The following REEP1 variants were observed in gnomAD, a reference collection of about 807,000 sequenced individuals.
The protein encoded by REEP1 is receptor expression-enhancing protein 1.
A neutral mutation model predicts 40.3 loss-of-function variants in REEP1; 22 were observed. The observed-to-expected ratio is 0.55, with a 90% confidence interval of 0.39 to 0.78. REEP1 has a LOEUF of 0.78. Among genes scored for constraint, REEP1 ranks in the 30% least tolerant of loss-of-function variants. The pLI is 0.00. For missense variants in REEP1, 280 were observed against 361.1 expected (o/e 0.78, Z 1.82); for synonymous variants, 116 against 139.2 (o/e 0.83, Z 1.17).
chr2:86,284,262 C>T (rs565062910), intron 1 of REEP1, among the ~76,000 whole-genome samples: 7 of 152,288 alleles, frequency 4.6e-5, no homozygotes, highest in East Asian at 1.9e-4. Context: ...GGCTCCTCTC[C>T]GTTTTTAGCT....
At chr2:86,267,067 G>A (rs1324547022) in intron 2 of REEP1, among the ~76,000 whole-genome samples, 3 of 132,686 alleles carry the variant, frequency 2.3e-5, no homozygotes, top group Non-Finnish European at 4.8e-5. Flanking sequence ...AGGCCAAGAT[G>A]AGAGAATTGC....
intron 1 of REEP1, among the ~76,000 whole-genome samples, chr2:86,319,707 C>T (rs527523093): frequency 3.4e-5 from 5 of 148,874 alleles, no homozygotes; most frequent in East Asian, 2.0e-4. Context: ...AAGAAAAGAA[C>T]GAAAAAAAAA....
chr2:86,264,789 T>C (rs1261815180), intron 2 of REEP1, among the ~76,000 whole-genome samples: 2 of 152,152 alleles, frequency 1.3e-5, no homozygotes, highest in Non-Finnish European at 2.9e-5. Flanking sequence ...AAACAACTGT[T>C]TGAAGGCCCT....
At chr2:86,337,776 G>A, upstream of REEP1, 5 of 808,646 alleles carry the variant, frequency 6.2e-6, no homozygotes, top group Non-Finnish European at 8.1e-6. This position sits in a 1 kb window ranked among gnomAD's most constrained non-coding sequence, Gnocchi z 5.8. Flanking sequence ...GGCCCGCCCC[G>A]TCCCGCTCGC....
chr2:86,299,456 T>C (rs1291392938), intron 1 of REEP1, among the ~76,000 whole-genome samples: 8 of 152,192 alleles, frequency 5.3e-5, no homozygotes, highest in African/African-American at 9.7e-5. Flanking sequence ...GAACCACTGT[T>C]CTATGCCTAG....
intron 8 of REEP1, among the ~76,000 whole-genome samples, chr2:86,217,962 G>C (rs1674216171): frequency 6.6e-6 from 1 of 152,048 alleles, no homozygotes; most frequent in Non-Finnish European, 1.5e-5. Flanking sequence ...CACAGCACTT[G>C]AGGGGGTTCA....
At chr2:86,270,778 A>G (rs1574062667) in intron 2 of REEP1, among the ~76,000 whole-genome samples, 2 of 152,278 alleles carry the variant, frequency 1.3e-5, no homozygotes, top group South Asian at 4.1e-4. Flanking sequence ...GAGGCTCAAT[A>G]TGTGTTGGAC....
At chr2:86,231,006 G>A (rs376295176) in intron 6 of REEP1, among the ~76,000 whole-genome samples, 8 of 152,202 alleles carry the variant, frequency 5.3e-5, no homozygotes, top group Admixed American at 2.0e-4. Context: ...GGCAGTGTCC[G>A]GCAGATCAGA....
At chr2:86,235,314 T>C (rs1574009723) in intron 5 of REEP1, among the ~76,000 whole-genome samples, 1 of 152,302 alleles carries the variant, frequency 6.6e-6, no homozygotes, top group Middle Eastern at 3.4e-3. Context: ...AACAGCTGAG[T>C]GATCTTAACC....
rs141478770 is a variant in REEP1 at position 86,276,141 on chromosome 2, C to A, written c.105+6029G>T. Among the ~76,000 whole-genome samples the A allele has an allele frequency of 3.3e-5, 5 of 152,240 alleles. No individual in the cohort carries two copies. In the East Asian group the frequency reaches 9.7e-4, roughly 29 times the overall value. ...TGACAGAGGTAGCATACAGGCTCAG[C>A]AATGTGGAATCCCTCTCACCAAGGC... On this transcript the variant is annotated intron_variant, in intron 2 of 8. Coordinates refer to ENST00000538924, the MANE Select transcript of REEP1 (RefSeq NM_001371279.1).
chr2:86,244,932 G>T (rs568593249), intron 5 of REEP1, among the ~76,000 whole-genome samples: 1 of 152,338 alleles, frequency 6.6e-6, no homozygotes, highest in South Asian at 2.1e-4. Flanking sequence ...ATCACCTGAG[G>T]TCAGGAGTTC....
At position 86,238,495 on chromosome 2, in the gene REEP1, G is replaced by C. The variant is rs1043967985; in HGVS notation, c.418-5693C>G. On this transcript the variant is annotated intron_variant, in intron 5 of 8. Transcript: ENST00000538924. ...AGCCTTGGCATCTGCCACTCTACTT[G>C]ATACATATTTGGGGTTAAGGAGTTG... Among the ~76,000 whole-genome samples, 3 of 152,192 alleles carry C rather than the reference G, an allele frequency of 2.0e-5. No individual in the cohort carries two copies. The South Asian group carries it at 6.2e-4, about 31-fold the overall frequency.
chr2:86,337,694 GCGGCGGCCCCAGCCCCCCGGGGCT>G (rs1681120844), upstream of REEP1: 1 of 991,088 alleles, frequency 1.0e-6, no homozygotes, highest in African/African-American at 1.8e-5. The surrounding 1 kb of genome is among the most constrained non-coding windows in gnomAD (Gnocchi z 5.8). Flanking sequence ...GGCGGCGGCG[GCGGCGGCCCCAGCCCCCCGGGGCT>G]CGGCGGGCCC....
rs1674135512 is a variant in REEP1, at chr2:86,216,803, T to G, written c.*236A>C. On this transcript the variant is annotated 3_prime_UTR_variant, in exon 9 of 9. Transcript: ENST00000538924. ...TGGAAAATTACCAACCTCAGAAGAC[T>G]TAAAGGTCACCACCCCCGCCCCTAC... 5.8e-6 allele frequency: 3 copies of G among 518,566 alleles called. No homozygotes were observed. In the South Asian group the frequency reaches 6.8e-5, roughly 12 times the overall value. 32.1% of individuals were successfully genotyped at this position (518,566 alleles called of 1,614,324 possible).
At chr2:86,296,424 G>A (rs945760690) in intron 1 of REEP1, among the ~76,000 whole-genome samples, 1 of 152,200 alleles carries the variant, frequency 6.6e-6, no homozygotes, top group East Asian at 1.9e-4. Flanking sequence ...CAAAGCTTAG[G>A]TACTAAACCA....
chr2:86,251,525 C>A, intron 5 of REEP1: 1 of 258,486 alleles, frequency 3.9e-6, no homozygotes, highest in Non-Finnish European at 7.6e-6. Flanking sequence ...GGTAGTCTCT[C>A]CACCTGTCCA....
At chr2:86,323,444 GGTGAGCAGCAGCA>G (rs1487178847) in intron 1 of REEP1, among the ~76,000 whole-genome samples, 2 of 152,164 alleles carry the variant, frequency 1.3e-5, no homozygotes, top group Non-Finnish European at 2.9e-5. Context: ...CACAGCAGGA[GGTGAGCAGCAGCA>G]TTACCACCTG....
rs1675091136 is a variant in REEP1 at position 86,232,675 on chromosome 2, T to G, written c.545A>C (p.His182Pro). The change falls in exon 6 of 9, where the codon CAC (histidine) becomes CCC (proline). Residue 182 changes from histidine (H) to proline (P), a missense_variant. By Grantham distance (77) the His-to-Pro change is moderately conservative. Around this residue, in one of 3 missense-constraint regions of REEP1, gnomAD observed 201 missense variants for 238.5 expected, o/e 0.84. Coordinates refer to ENST00000538924, the MANE Select transcript of REEP1 (RefSeq NM_001371279.1). ...PPGSGRASGK[H>P]GQPKMSRSAS... ...ACTCCTGGACATCTTAGGCTGGCCG[T>G]GTTTGCCGCTGGCCCGCCCAGACCC... 1.2e-6 allele frequency: 2 copies of G among 1,612,422 alleles called. No individual in the cohort carries two copies. Among genetic ancestry groups the G allele is most frequent in the African/African-American group, 2.7e-5 (2 of 74,924 alleles).
chr2:86,223,348 G>C (rs1345610846), intron 7 of REEP1: 1 of 152,288 alleles, frequency 6.6e-6, no homozygotes, highest in African/African-American at 2.4e-5. Flanking sequence ...GCCTGCAGTG[G>C]GCCCAGGGCT....
Sources: allele counts gnomAD v4.1 joint callset (sites outside exome capture counted in the v4.1 genomes callset), GRCh38; gene constraint gnomAD v4.1.1; regional missense constraint gnomAD v4.1.1; non-coding constraint Gnocchi (gnomAD v3.1); transcripts MANE v1.5; gene names NCBI Gene and HGNC (gene_info 2026-07-23, HGNC 2026-07-21).